Variants in CFAP46 observed in about 807,000 individuals in gnomAD.
The protein encoded by CFAP46 is cilia and flagella associated protein 46.
In CFAP46, 245 loss-of-function variants were observed where a neutral mutation model predicts 325.7. That is an observed-to-expected ratio of 0.75 (90% CI 0.68 to 0.84). CFAP46 has a LOEUF of 0.84. Ranked by LOEUF, CFAP46 falls within the 40% of genes least tolerant of loss-of-function variation. The probability of loss-of-function intolerance (pLI) is 0.00; values close to 1 mark genes in which losing one functional copy is unlikely to be tolerated. For synonymous variants in CFAP46, 1,523 were observed against 1,495.9 expected, an observed-to-expected ratio of 1.02 and a Z score of -0.42; for missense variants, 3,346 against 3,543.0, an observed-to-expected ratio of 0.94 and a Z score of 1.41.
Position 132,886,347 on chromosome 10 carries a change from G to A in CFAP46, c.3305-388C>T, listed in dbSNP as rs569936320. Reference sequence around the variant, plus strand: ...GCTCCCCCGCGGCCGAGGACACAGCGCCACGTGCACGCTCGGGAGTCCTCA... The same window carrying A: ...GCTCCCCCGCGGCCGAGGACACAGCACCACGTGCACGCTCGGGAGTCCTCA... On this transcript the variant is annotated intron_variant, in intron 25 of 57. Transcript: ENST00000368586. The surrounding 1 kb of genome is among the most constrained non-coding windows in gnomAD (Gnocchi z 5.8). Among the ~76,000 whole-genome samples, 7 of 152,308 alleles carry A rather than the reference G, an allele frequency of 4.6e-5. No homozygotes were observed. Among genetic ancestry groups the A allele is most frequent in the Admixed American group, 2.6e-4 (4 of 15,308 alleles).
chr10:132,899,423 C>T (rs753108906), intron 23 of CFAP46, 112 bp downstream of exon 23: 84 of 1,399,366 alleles, frequency 6.0e-5, no homozygotes, highest in Middle Eastern at 2.6e-4. Flanking sequence ...CTCCCCTCGC[C>T]GGCAGGAGCC....
chr10:132,866,512 G>A (rs1564784399), intron 34 of CFAP46, among the ~76,000 whole-genome samples: 1 of 152,182 alleles, frequency 6.6e-6, no homozygotes, highest in Non-Finnish European at 1.5e-5. Context: ...GCCCCACCTC[G>A]TGGTGCCGAA....
rs1405619258 is a variant in CFAP46, at chr10:132,913,139, T to C, written c.2240A>G (p.His747Arg). 4.5e-6 allele frequency: 7 copies of C among 1,550,320 alleles called. No homozygotes were observed. Among genetic ancestry groups the C allele is most frequent in the Admixed American group, 2.0e-5 (1 of 50,992 alleles). ...VQNAVVYVLN[H>R]NHHLILAGRQ... The stretch of plus-strand genomic sequence containing the variant: ...CCCGGCCAGGATCAGGTGGTGGTTG[T>C]GGTTCAGGACGTAGACCACGGCGTT... Residue 747 changes from histidine to arginine, a missense_variant, in exon 18 of 58, where the codon CAC (histidine) becomes CGC (arginine). By Grantham distance (29) the His-to-Arg change is conservative (BLOSUM62 0). Coordinates refer to ENST00000368586, the MANE Select transcript of CFAP46 (RefSeq NM_001200049.3).
intron 35 of CFAP46, among the ~76,000 whole-genome samples, chr10:132,863,908 G>C (rs34561596): frequency 0.39 from 48,651 of 126,278 alleles, 9,161 homozygotes; most frequent in Admixed American, 0.54. Flanking sequence ...CCTGTCCCCA[G>C]TGCCTGAGAC....
At chr10:132,878,399 C>T (rs1564787486) in intron 29 of CFAP46, among the ~76,000 whole-genome samples, 1 of 152,246 alleles carries the variant, frequency 6.6e-6, no homozygotes, top group East Asian at 1.9e-4. Context: ...TCCCTGCTGG[C>T]CATCCCGCAC....
rs775672798 is a variant in CFAP46 at position 132,815,551 on chromosome 10, G to T, written c.7118-637C>A. On this transcript the variant is annotated intron_variant, in intron 50 of 57. Transcript: ENST00000368586. The stretch of plus-strand genomic sequence containing the variant: ...GGTTCCTGGCTCACGAAGTAAATAT[G>T]TGCATTTTATCAAATGCTTTTCCCC... 2.0e-5 allele frequency among the ~76,000 whole-genome samples: 3 copies of T among 152,230 alleles called. No individual in the cohort carries two copies. The East Asian group carries it at 5.8e-4, about 29-fold the overall frequency.
In CFAP46 at chr10:132,887,352, CCTCCCCT is replaced by C. The variant is rs1849159640; in HGVS notation, c.3305-1400_3305-1394del. On this transcript the variant is annotated intron_variant, in intron 25 of 57. Transcript: ENST00000368586. ...CTCGCTTCTCTCTCTCCTCTCCTCT[CCTCCCCT>C]CTTCTTTCCTCTCCCCTCTTCTCTC... Among the ~76,000 whole-genome samples, 7 of 72,086 alleles carry C rather than the reference CCTCCCCT, an allele frequency of 9.7e-5. 1 individual carries two copies. Among genetic ancestry groups the C allele is most frequent in the South Asian group, 5.9e-4 (1 of 1,706 alleles). The allele number at this position is 72,086 out of a possible 152,430, so 47.3% of individuals were successfully genotyped here.
rs1447617417 is a variant in CFAP46, at chr10:132,832,233, G to A, written c.7117+1125C>T. ...GTTTCCCTGGACTCGCACACAGGTG[G>A]TGGCTGTCTTCCTGCTGAGGGCTCT... On this transcript the variant is annotated intron_variant, in intron 50 of 57. Coordinates refer to ENST00000368586, the MANE Select transcript of CFAP46 (RefSeq NM_001200049.3). This position sits in a 1 kb window ranked among gnomAD's most constrained non-coding sequence, Gnocchi z 4.1. Among the ~76,000 whole-genome samples the A allele has an allele frequency of 6.6e-6, 1 of 151,998 alleles. No individual in the cohort carries two copies. The highest frequency in any genetic ancestry group is 1.5e-5 in the Non-Finnish European group (1 of 68,010).
chr10:132,878,237 T>C, intron 29 of CFAP46, 150 bp from the exon 30 acceptor site: 1 of 747,674 alleles, frequency 1.3e-6, no homozygotes, highest in Non-Finnish European at 2.2e-6. Context: ...TCAGCTGCCA[T>C]CAGGGGAGCC....
chr10:132,917,933 C>T (rs1427998057), intron 16 of CFAP46, among the ~76,000 whole-genome samples: 2 of 133,214 alleles, frequency 1.5e-5, no homozygotes, highest in Non-Finnish European at 1.6e-5. Flanking sequence ...CTCTCCACGA[C>T]GCACCTCAGC....
chr10:132,880,100 G>A lies in CFAP46; in HGVS notation c.3800-469C>T, dbSNP rs147769796. On this transcript the variant is annotated intron_variant, in intron 28 of 57. Coordinates refer to ENST00000368586, the MANE Select transcript of CFAP46 (RefSeq NM_001200049.3). ...TCTAGGATGGCCCTGCTGTGCGCAC[G>A]TGTGTGTGTGTGCATGTATGTGTGT... Among the ~76,000 whole-genome samples the A allele has an allele frequency of 6.5e-3, 957 of 148,242 alleles. 10 individuals are homozygous for A. Among genetic ancestry groups the A allele is most frequent in the South Asian group, 0.04 (194 of 4,804 alleles).
At chr10:132,824,787 C>G (rs1848003767) in intron 50 of CFAP46, among the ~76,000 whole-genome samples, 1 of 115,068 alleles carries the variant, frequency 8.7e-6, no homozygotes, top group Non-Finnish European at 1.7e-5. Flanking sequence ...TGTGTGAGTG[C>G]TGATGTGTGC....
chr10:132,822,254 ATGTGTGCTGTGTG>A (rs1311065202), intron 50 of CFAP46, among the ~76,000 whole-genome samples: 1 of 95,360 alleles, frequency 1.0e-5, no homozygotes, highest in Non-Finnish European at 2.0e-5. Flanking sequence ...GTGTGCGCTG[ATGTGTGCTGTGTG>A]TGTGCTGTGT....
chr10:132,892,538 A>T (rs1849268015), intron 24 of CFAP46, 121 bp from the exon 25 acceptor site: 1 of 844,516 alleles, frequency 1.2e-6, no homozygotes, highest in Non-Finnish European at 1.9e-6. Flanking sequence ...TGCTATTGCC[A>T]TAAGCAGCTG....
At chr10:132,834,886 C>T in intron 47 of CFAP46, 111 bp from the exon 48 acceptor site, 1 of 1,409,758 alleles carries the variant, frequency 7.1e-7, no homozygotes, top group Non-Finnish European at 9.4e-7. Context: ...CTGCAAACAG[C>T]ATGGTGGACA....
intron 50 of CFAP46, among the ~76,000 whole-genome samples, chr10:132,823,813 C>CTGTGTGAGTGCTGATGTGTGCTGTATGT (rs1409351541): frequency 8.1e-6 from 1 of 123,604 alleles, no homozygotes; most frequent in African/African-American, 3.1e-5. Flanking sequence ...GTGCTGTGTG[C>CTGTGTGAGTGCTGATGTGTGCTGTATGT]TGTGTGAGTG....
intron 46 of CFAP46, among the ~76,000 whole-genome samples, 165 bp from the exon 47 acceptor site, chr10:132,835,599 C>T (rs568213173): frequency 2.0e-4 from 31 of 152,270 alleles, no homozygotes; most frequent in African/African-American, 6.7e-4. Context: ...GCTGTGGAGA[C>T]GCTGCCACAT....
intron 8 of CFAP46, 147 bp downstream of exon 8, chr10:132,934,603 GAC>G: frequency 1.6e-6 from 1 of 621,812 alleles, no homozygotes; most frequent in Non-Finnish European, 2.8e-6. Context: ...CAAAAGACCA[GAC>G]AGGACCTTAC....
intron 31 of CFAP46, among the ~76,000 whole-genome samples, chr10:132,874,552 A>C (rs113461613): frequency 1.8e-5 from 2 of 110,154 alleles, no homozygotes; most frequent in Non-Finnish European, 3.9e-5. Flanking sequence ...GAAAAATATA[A>C]AAGCATTCAT....
Sources: allele counts gnomAD v4.1 joint callset (sites outside exome capture counted in the v4.1 genomes callset), GRCh38; gene constraint gnomAD v4.1.1; non-coding constraint Gnocchi (gnomAD v3.1); transcripts MANE v1.5; gene names NCBI Gene and HGNC (gene_info 2026-07-23, HGNC 2026-07-21).